SMYD3: variants seen among roughly 807,000 people sequenced by gnomAD.
SMYD3 encodes the protein histone-lysine N-methyltransferase SMYD3.
SMYD3 carries 36 observed loss-of-function variants against 57.7 expected under a neutral mutation model. The observed-to-expected ratio is 0.62, with a 90% CI of 0.48 to 0.82. The LOEUF (loss-of-function observed/expected upper bound fraction) is 0.82. SMYD3 is among the 40% of genes least tolerant of loss of function. The pLI, the probability that SMYD3 is intolerant of heterozygous loss-of-function variation, is 0.00. For missense variants in SMYD3, 515 were observed against 538.8 expected (o/e 0.96, Z 0.44); for synonymous variants, 211 against 195.0 (o/e 1.08, Z -0.68).
chr1:246,117,408 C>G (rs1048825651), intron 5 of SMYD3, among the ~76,000 whole-genome samples: 3 of 152,172 alleles, frequency 2.0e-5, no homozygotes, highest in Admixed American at 2.0e-4. Flanking sequence ...GCAGGCAACC[C>G]AGATGCCAAA....
At chr1:246,265,430 T>C (rs967263115) in intron 5 of SMYD3, among the ~76,000 whole-genome samples, 10 of 152,196 alleles carry the variant, frequency 6.6e-5, no homozygotes, top group South Asian at 6.2e-4. Flanking sequence ...TGAGCCACTA[T>C]ATCCAGTTCT....
At chr1:246,030,229 T>C (rs1400092658) in intron 5 of SMYD3, among the ~76,000 whole-genome samples, 10 of 152,110 alleles carry the variant, frequency 6.6e-5, no homozygotes, top group Non-Finnish European at 1.5e-5. Context: ...TGGAGTACTA[T>C]TCAGCCATAG....
At chr1:246,213,146 C>A (rs189368076) in intron 5 of SMYD3, among the ~76,000 whole-genome samples, 1 of 152,082 alleles carries the variant, frequency 6.6e-6, no homozygotes, top group African/African-American at 2.4e-5. Flanking sequence ...TTCTTTCAAC[C>A]TTCCTCAATC....
chr1:246,458,429 A>G (rs1220372679), intron 1 of SMYD3, among the ~76,000 whole-genome samples: 1 of 149,340 alleles, frequency 6.7e-6, no homozygotes, highest in Non-Finnish European at 1.5e-5. Context: ...TTCAAGTAGA[A>G]AAGTCATTCT....
At chr1:246,340,052 A>C (rs1161760586) in intron 2 of SMYD3, among the ~76,000 whole-genome samples, 1 of 152,152 alleles carries the variant, frequency 6.6e-6, no homozygotes, top group Non-Finnish European at 1.5e-5. Flanking sequence ...TAAAGTTGAA[A>C]AACCACTGAG....
At chr1:246,444,421 G>A (rs2067522356) in intron 1 of SMYD3, among the ~76,000 whole-genome samples, 2 of 152,202 alleles carry the variant, frequency 1.3e-5, no homozygotes, top group African/African-American at 4.8e-5. Context: ...ATCGCGCCCA[G>A]CCCCAGAACC....
chr1:245,978,927 T>C (rs115473750), intron 5 of SMYD3, among the ~76,000 whole-genome samples: 2,301 of 152,228 alleles, frequency 0.015, 48 homozygotes, highest in African/African-American at 0.047. Flanking sequence ...AGACCAAAAA[T>C]TCAGGACAGT....
chr1:246,314,228 G>A (rs958633252), intron 5 of SMYD3, among the ~76,000 whole-genome samples: 4 of 152,146 alleles, frequency 2.6e-5, no homozygotes, highest in African/African-American at 9.7e-5. Flanking sequence ...TTTAGTATTA[G>A]AGAATATTAT....
intron 10 of SMYD3, among the ~76,000 whole-genome samples, chr1:245,790,197 G>A (rs1264224553): frequency 6.6e-6 from 1 of 152,180 alleles, no homozygotes; most frequent in Non-Finnish European, 1.5e-5. Flanking sequence ...TGGTAGATGA[G>A]TAAAAATTAG....
intron 7 of SMYD3, among the ~76,000 whole-genome samples, chr1:245,927,528 G>C (rs1016043002): frequency 2.0e-5 from 3 of 152,112 alleles, no homozygotes; most frequent in Non-Finnish European, 2.9e-5. Context: ...GAGTGAAGAA[G>C]TCTTGGGGAT....
At chr1:246,354,475 A>G (rs1440086113) in intron 2 of SMYD3, among the ~76,000 whole-genome samples, 1 of 152,218 alleles carries the variant, frequency 6.6e-6, no homozygotes, top group Non-Finnish European at 1.5e-5. Flanking sequence ...CAGGATGTGA[A>G]GTGCATTATT....
chr1:246,320,403 A>G (rs2065226509), intron 5 of SMYD3, among the ~76,000 whole-genome samples: 2 of 152,200 alleles, frequency 1.3e-5, no homozygotes, highest in Admixed American at 1.3e-4. Flanking sequence ...AGAAAGAAGG[A>G]GAGAACATCT....
chr1:245,838,548 C>T (rs1015306342), intron 10 of SMYD3, among the ~76,000 whole-genome samples: 1 of 152,202 alleles, frequency 6.6e-6, no homozygotes, highest in African/African-American at 2.4e-5. Flanking sequence ...TATCTAGATA[C>T]ATGTAGGTCT....
intron 1 of SMYD3, among the ~76,000 whole-genome samples, chr1:246,434,085 G>A (rs2067335567): frequency 6.6e-6 from 1 of 152,104 alleles, no homozygotes; most frequent in South Asian, 2.1e-4. Flanking sequence ...AATACAACTG[G>A]ACCTCTACCT....
intron 2 of SMYD3, among the ~76,000 whole-genome samples, chr1:246,351,986 A>C (rs2065835443): frequency 6.6e-6 from 1 of 151,950 alleles, no homozygotes; most frequent in Admixed American, 6.6e-5. Flanking sequence ...AATAGAAAAA[A>C]TTAGCTGGGC....
intron 8 of SMYD3, among the ~76,000 whole-genome samples, chr1:245,898,545 A>G (rs191336299): frequency 1.3e-3 from 193 of 152,340 alleles, no homozygotes; most frequent in Non-Finnish European, 1.8e-3. Flanking sequence ...TGAGCAAAGT[A>G]ACAACATGAG....
At chr1:246,248,577 G>A (rs1441485250) in intron 5 of SMYD3, among the ~76,000 whole-genome samples, 2 of 150,438 alleles carry the variant, frequency 1.3e-5, no homozygotes, top group Non-Finnish European at 3.0e-5. Context: ...TCCAAAGTCT[G>A]AGTGTAGCTC....
chr1:246,018,289 C>T (rs1353928390), intron 5 of SMYD3, among the ~76,000 whole-genome samples: 6 of 152,240 alleles, frequency 3.9e-5, no homozygotes, highest in East Asian at 3.9e-4. Context: ...AACAACCAGC[C>T]GTGTCTCTGT....
At chr1:246,361,302 C>T (rs6696737) in intron 1 of SMYD3, among the ~76,000 whole-genome samples, 81,812 of 151,978 alleles carry the variant, frequency 0.54, 22,830 homozygotes, top group Middle Eastern at 0.72. Flanking sequence ...AAATAATCGA[C>T]GTAGGCACAG....
Sources: allele counts gnomAD v4.1 joint callset (sites outside exome capture counted in the v4.1 genomes callset), GRCh38; gene constraint gnomAD v4.1.1; transcripts MANE v1.5; gene names NCBI Gene and HGNC (gene_info 2026-07-23, HGNC 2026-07-21).